The following COLGALT1 variants were observed in gnomAD, a reference collection of about 807,000 sequenced individuals.
COLGALT1 encodes procollagen galactosyltransferase 1.
In COLGALT1, 43 loss-of-function variants were observed where a neutral mutation model predicts 60.8. The observed-to-expected ratio is 0.71, with a 90% CI of 0.55 to 0.91. The LOEUF (loss-of-function observed/expected upper bound fraction) is 0.91. COLGALT1 is among the 40% of genes least tolerant of loss of function. The pLI is 0.00. For missense variants in COLGALT1, 845 were observed against 880.0 expected (o/e 0.96, Z 0.50); for synonymous variants, 369 against 374.2 (o/e 0.99, Z 0.16).
At chr19:17,573,935 T>C (rs1265665766) in intron 6 of COLGALT1, among the ~76,000 whole-genome samples, 6 of 152,090 alleles carry the variant, frequency 3.9e-5, no homozygotes, top group Non-Finnish European at 8.8e-5. Context: ...TGAGCCAAGA[T>C]TGCTTCACTG....
rs767308333 is a variant in COLGALT1, at chr19:17,555,905, C to G, written c.192C>G (p.Ala64=). The change falls in exon 1 of 12, where the codon GCC becomes GCG. Residue 64 remains alanine, a synonymous_variant. Transcript: ENST00000252599. ...VLIALLARNA[A]HALPTTLGAL... Reference sequence around the variant, plus strand: ...TCGCGCTGTTGGCGCGAAACGCGGCCCACGCGTTGCCCACCACGCTGGGCG... The same window carrying G: ...TCGCGCTGTTGGCGCGAAACGCGGCGCACGCGTTGCCCACCACGCTGGGCG... The G allele has an allele frequency of 5.7e-6, 8 of 1,399,938 alleles. No individual in the cohort carries two copies. The highest frequency in any genetic ancestry group is 7.4e-6 in the Non-Finnish European group (8 of 1,076,242). The allele number at this position is 1,399,938 out of a possible 1,614,324, so 86.7% of individuals were successfully genotyped here.
At chr19:17,572,732 A>T (rs948786915) in intron 6 of COLGALT1, 130 bp downstream of exon 6, 1 of 1,340,150 alleles carries the variant, frequency 7.5e-7, no homozygotes, top group South Asian at 1.4e-5. Flanking sequence ...GCTGGGTGCA[A>T]CGGCACGTGT....
rs902596912 is a variant in COLGALT1 at position 17,582,492 on chromosome 19, G to C, written c.*1048G>C. 6.6e-6 allele frequency: 1 copy of C among 152,092 alleles called. No individual in the cohort carries two copies. Among genetic ancestry groups the C allele is most frequent in the Non-Finnish European group, 1.5e-5 (1 of 68,010 alleles). The allele number at this position is 152,092 out of a possible 1,614,324, so 9.4% of individuals were successfully genotyped here. ...ACCTGAAGAGCACTGACTGTGTGCC[G>C]GGCACTAGTGATACAAAAGAGTGTG... On this transcript the variant is annotated 3_prime_UTR_variant, in exon 12 of 12. Coordinates refer to ENST00000252599, the MANE Select transcript of COLGALT1 (RefSeq NM_024656.4).
At position 17,580,802 on chromosome 19, in the gene COLGALT1, G is replaced by A. The variant is rs1416255380; in HGVS notation, c.1498G>A (p.Val500Met). ...CTATTCCTACTGGACCCTGGCCTAC[G>A]TGATCTCCCTGCAAGGCGCCCGCAA... The part of the protein sequence containing the change: ...ADYSYWTLAY[V>M]ISLQGARKLL... Residue 500 changes from valine (V) to methionine (M), a missense_variant, in exon 11 of 12, where the codon GTG becomes ATG. Coordinates refer to ENST00000252599, the MANE Select transcript of COLGALT1 (RefSeq NM_024656.4). 5 of 1,613,904 alleles carry A rather than the reference G, an allele frequency of 3.1e-6. No individual in the cohort carries two copies. The highest frequency in any genetic ancestry group is 2.2e-5 in the East Asian group (1 of 44,880).
At position 17,572,750 on chromosome 19, in the gene COLGALT1, G is replaced by A; in HGVS notation, c.949+148G>A. The A allele has an allele frequency of 6.8e-6, 8 of 1,178,308 alleles. No individual in the cohort carries two copies. In the East Asian group the frequency reaches 7.7e-5, roughly 11 times the overall value. 73.0% of individuals were successfully genotyped at this position (1,178,308 alleles called of 1,614,324 possible). A position where few individuals can be genotyped will look rare whatever the true frequency, so the allele number is the denominator to read the frequency against. ...GGGTGCAACGGCACGTGTGAACGAGGTGGAGGGTTGTGTCTGCTCTCACAG... is the reference window on the plus strand; with the variant it reads ...GGGTGCAACGGCACGTGTGAACGAGATGGAGGGTTGTGTCTGCTCTCACAG... On this transcript the variant is annotated intron_variant, in intron 6 of 11. Coordinates refer to ENST00000252599, the MANE Select transcript of COLGALT1 (RefSeq NM_024656.4).
intron 9 of COLGALT1, among the ~76,000 whole-genome samples, 168 bp from the exon 10 acceptor site, chr19:17,579,314 G>A (rs893324648): frequency 7.9e-5 from 12 of 152,166 alleles, no homozygotes; most frequent in African/African-American, 2.9e-4. Flanking sequence ...CATTATGGAC[G>A]GCAGAGGGCA....
intron 6 of COLGALT1, among the ~76,000 whole-genome samples, chr19:17,574,245 C>A (rs2076328301): frequency 6.6e-6 from 1 of 152,062 alleles, no homozygotes; most frequent in Admixed American, 6.6e-5. Context: ...GTTTCCCCAG[C>A]CTTACCGATT....
chr19:17,557,156 A>G (rs924197311), intron 1 of COLGALT1, among the ~76,000 whole-genome samples: 1 of 152,126 alleles, frequency 6.6e-6, no homozygotes, highest in Non-Finnish European at 1.5e-5. Context: ...CTTCCACCTG[A>G]TTTCTCAGTC....
At chr19:17,577,538 G>T (rs578200003) in intron 8 of COLGALT1, 71 bp downstream of exon 8, 4 of 1,328,750 alleles carry the variant, frequency 3.0e-6, no homozygotes, top group African/African-American at 1.5e-5. Flanking sequence ...GCTGGTAGAC[G>T]GCAAGTGATT....
chr19:17,579,899 GC>G lies in COLGALT1; in HGVS notation c.1394+291del. On this transcript the variant is annotated intron_variant, in intron 10 of 11. Transcript: ENST00000252599. ...TGGCAGGCGTGGCCAACCCTTGGAA[GC>G]GTAGCAGGAGGGCTCACGTGGTTCC... 1.2e-5 allele frequency: 5 copies of G among 416,614 alleles called. No homozygotes were observed. In the South Asian group the frequency reaches 1.8e-4, roughly 15 times the overall value. 25.8% of individuals were successfully genotyped at this position (416,614 alleles called of 1,614,324 possible).
At chr19:17,556,458 G>A (rs188779209) in intron 1 of COLGALT1, 3 of 818,312 alleles carry the variant, frequency 3.7e-6, no homozygotes, top group African/African-American at 1.9e-5. Context: ...ACTCAGCCTG[G>A]CTCCAGGCCC....
chr19:17,560,806 C>T (rs2076244570), intron 3 of COLGALT1, among the ~76,000 whole-genome samples: 1 of 151,810 alleles, frequency 6.6e-6, no homozygotes, highest in African/African-American at 2.4e-5. Flanking sequence ...AATATCGGCT[C>T]ACTGCAACCT....
At chr19:17,568,385 G>A in intron 4 of COLGALT1, 124 bp from the exon 5 acceptor site, 1 of 823,084 alleles carries the variant, frequency 1.2e-6, no homozygotes, top group South Asian at 1.5e-5. Flanking sequence ...GGGGTCCTGG[G>A]ACCACAGGCG....
intron 5 of COLGALT1, among the ~76,000 whole-genome samples, chr19:17,570,468 A>G (rs1396717911): frequency 2.7e-5 from 4 of 150,828 alleles, no homozygotes; most frequent in Non-Finnish European, 5.9e-5. Context: ...CTAGACTTGA[A>G]CTCCTGGCCT....
chr19:17,577,551 G>C (rs965728246), intron 8 of COLGALT1, 84 bp downstream of exon 8: 14 of 1,248,130 alleles, frequency 1.1e-5, no homozygotes, highest in Non-Finnish European at 1.5e-5. Flanking sequence ...AAGTGATTCA[G>C]ATGGGGGCGG....
Position 17,572,615 on chromosome 19 carries a change from G to A in COLGALT1, c.949+13G>A, listed in dbSNP as rs547391801. 1.2e-6 allele frequency: 2 copies of A among 1,613,434 alleles called. No individual in the cohort carries two copies. The highest frequency in any genetic ancestry group is 4.5e-5 in the East Asian group (2 of 44,882). On this transcript the variant is annotated intron_variant, in intron 6 of 11. Coordinates refer to ENST00000252599, the MANE Select transcript of COLGALT1 (RefSeq NM_024656.4). ...CTGGAGGTCATGGGTGAGTCTGCCT[G>A]CACACCGCCCTGGGAGGTGCCAGGT...
chr19:17,581,326 C>T lies in COLGALT1; in HGVS notation c.1751C>T (p.Thr584Ile), dbSNP rs752215186. 2.5e-6 allele frequency: 4 copies of T among 1,613,446 alleles called. No individual in the cohort carries two copies. The highest frequency in any genetic ancestry group is 1.6e-4 in the Middle Eastern group (1 of 6,062). Residue 584 changes from threonine (T) to isoleucine (I), a missense_variant, in exon 12 of 12, where the codon ACC becomes ATC. Transcript: ENST00000252599. ...SVVWNNEHVK[T>I]DWDRAKSQKM... ...GTATGGAACAATGAGCACGTCAAGA[C>T]CGACTGGGACCGCGCCAAGTCCCAG... is the stretch of plus-strand genomic sequence containing the variant.
At chr19:17,568,969 C>G (rs563050507) in intron 5 of COLGALT1, among the ~76,000 whole-genome samples, 14 of 152,160 alleles carry the variant, frequency 9.2e-5, no homozygotes, top group Non-Finnish European at 1.6e-4. Context: ...TGGCTTATGC[C>G]TGTAATCCCA....
chr19:17,564,089 A>C (rs940167243), intron 3 of COLGALT1, among the ~76,000 whole-genome samples: 8 of 151,574 alleles, frequency 5.3e-5, no homozygotes, highest in East Asian at 3.9e-4. Context: ...AAACTAACAA[A>C]AAAAAAAAAT....
Sources: gnomAD v4.1 joint callset for allele counts (sites outside exome capture counted in the v4.1 genomes callset) on GRCh38, gnomAD v4.1.1 for gene constraint, MANE v1.5 for transcripts, NCBI Gene and HGNC (gene_info 2026-07-23, HGNC 2026-07-21) for gene names.